DLGAP2: variants seen among roughly 807,000 people sequenced by gnomAD.
The protein encoded by DLGAP2 is disks large-associated protein 2.
DLGAP2 carries 26 observed loss-of-function variants against 100.3 expected under a neutral mutation model. That is an observed-to-expected ratio of 0.26 (90% CI 0.19 to 0.36). The LOEUF is 0.36. Among genes scored for constraint, DLGAP2 ranks in the 10% least tolerant of loss-of-function variants. DLGAP2 has a pLI of 1.00. For synonymous variants in DLGAP2, 886 were observed against 630.1 expected, an observed-to-expected ratio of 1.41 and a Z score of -6.08; for missense variants, 1,858 against 1,453.2, an observed-to-expected ratio of 1.28 and a Z score of -4.53.
intron 2 of DLGAP2, among the ~76,000 whole-genome samples, chr8:1,166,823 G>A (rs191976869): frequency 1.6e-4 from 24 of 152,076 alleles, no homozygotes; most frequent in African/African-American, 4.6e-4. Flanking sequence ...GTATTGTTTC[G>A]TGGTTTTCTA....
intron 1 of DLGAP2, among the ~76,000 whole-genome samples, chr8:839,612 T>C (rs1055634068): frequency 6.6e-6 from 1 of 152,280 alleles, no homozygotes; most frequent in Admixed American, 6.5e-5. Flanking sequence ...TACAGAAGTT[T>C]GGTTGTGAGA....
At chr8:1,010,187 ACATG>A (rs1801235432) in intron 2 of DLGAP2, among the ~76,000 whole-genome samples, 1 of 152,222 alleles carries the variant, frequency 6.6e-6, no homozygotes, top group Admixed American at 6.5e-5. Context: ...ACATGCACAC[ACATG>A]CATGCACATG....
At chr8:1,622,857 T>A (rs760486514) in intron 6 of DLGAP2, among the ~76,000 whole-genome samples, 1 of 152,012 alleles carries the variant, frequency 6.6e-6, no homozygotes, top group African/African-American at 2.4e-5. Context: ...CCCCGGGATG[T>A]AGGAGGGGGA....
chr8:771,241 T>C (rs1821350371), intron 1 of DLGAP2, among the ~76,000 whole-genome samples: 1 of 152,204 alleles, frequency 6.6e-6, no homozygotes, highest in Non-Finnish European at 1.5e-5. Context: ...CCTTAAGAAT[T>C]TTGTGCAAAT....
At chr8:823,207 G>A (rs1796621216) in intron 1 of DLGAP2, among the ~76,000 whole-genome samples, 1 of 152,094 alleles carries the variant, frequency 6.6e-6, no homozygotes, top group Admixed American at 6.6e-5. Context: ...GTTGACTTCA[G>A]GCTGCCAGAC....
chr8:1,531,704 G>T (rs972211008), intron 4 of DLGAP2, among the ~76,000 whole-genome samples: 17 of 152,046 alleles, frequency 1.1e-4, no homozygotes, highest in African/African-American at 3.9e-4. Flanking sequence ...ATTTTGAAAT[G>T]TATTTTTCTG....
chr8:1,265,477 A>T (rs1249928018), intron 3 of DLGAP2, among the ~76,000 whole-genome samples: 1 of 152,238 alleles, frequency 6.6e-6, no homozygotes, highest in Non-Finnish European at 1.5e-5. Flanking sequence ...GAGAAAGACA[A>T]ACACATGTCT....
intron 5 of DLGAP2, among the ~76,000 whole-genome samples, chr8:1,558,720 AC>A (rs1167713643): frequency 6.6e-6 from 1 of 151,486 alleles, no homozygotes; most frequent in Non-Finnish European, 1.5e-5. Flanking sequence ...CACACATTAC[AC>A]ATACCCACAC....
intron 1 of DLGAP2, among the ~76,000 whole-genome samples, chr8:860,186 C>T (rs994772495): frequency 3.9e-5 from 6 of 152,190 alleles, no homozygotes; most frequent in African/African-American, 1.4e-4. Context: ...TTGTGGTAGC[C>T]TTACAGACGG....
chr8:1,083,947 G>C (rs773535780), intron 2 of DLGAP2, among the ~76,000 whole-genome samples: 3 of 152,076 alleles, frequency 2.0e-5, no homozygotes, highest in Non-Finnish European at 4.4e-5. Flanking sequence ...AAAAATTGGT[G>C]CATTTTATTT....
chr8:829,831 G>A (rs1418067271), intron 1 of DLGAP2, among the ~76,000 whole-genome samples: 1 of 152,134 alleles, frequency 6.6e-6, no homozygotes, highest in African/African-American at 2.4e-5. Context: ...ATATTATGGT[G>A]CTTTCCTTGT....
chr8:1,304,532 C>T (rs2097997024), intron 3 of DLGAP2, among the ~76,000 whole-genome samples: 1 of 152,160 alleles, frequency 6.6e-6, no homozygotes, highest in Non-Finnish European at 1.5e-5. Flanking sequence ...ATGTTGTTAA[C>T]AACAGAGGGT....
chr8:976,836 TATAGAAG>T (rs1563124038), intron 2 of DLGAP2, among the ~76,000 whole-genome samples: 1 of 152,170 alleles, frequency 6.6e-6, no homozygotes, highest in Non-Finnish European at 1.5e-5. Flanking sequence ...CTGTAAAACT[TATAGAAG>T]ATAGCATAAA....
chr8:1,281,298 G>A (rs1348713063), intron 3 of DLGAP2, among the ~76,000 whole-genome samples: 3 of 152,166 alleles, frequency 2.0e-5, no homozygotes, highest in Non-Finnish European at 4.4e-5. Context: ...GTGAGAAACG[G>A]GGGATGGTGG....
At chr8:1,324,396 GT>G (rs1368623748) in intron 3 of DLGAP2, among the ~76,000 whole-genome samples, 1 of 152,170 alleles carries the variant, frequency 6.6e-6, no homozygotes, top group Non-Finnish European at 1.5e-5. Context: ...TTAGATTGAT[GT>G]TTCAGCTGGC....
At chr8:1,305,646 GA>G (rs1800472538) in intron 3 of DLGAP2, among the ~76,000 whole-genome samples, 1 of 152,154 alleles carries the variant, frequency 6.6e-6, no homozygotes, top group Admixed American at 6.5e-5. Flanking sequence ...AAATTACACT[GA>G]AAACCTACCA....
At chr8:1,561,926 G>A (rs867346549) in intron 5 of DLGAP2, among the ~76,000 whole-genome samples, 4 of 58,470 alleles carry the variant, frequency 6.8e-5, no homozygotes, top group Admixed American at 2.4e-4. Flanking sequence ...GGGTGTCCGC[G>A]CCTCGTTGCT....
chr8:1,591,209 C>T lies in DLGAP2; in HGVS notation c.1442+25315C>T, dbSNP rs543658605. ...TTTCCTATTCAAAGTTCTGTTCTTC[C>T]CTTCCCTCTGCAAAGCCCAAACATT... is the stretch of plus-strand genomic sequence containing the variant. On this transcript the variant is annotated intron_variant, in intron 6 of 14. Coordinates refer to ENST00000637795, the MANE Select transcript of DLGAP2 (RefSeq NM_001346810.2). 3.5e-4 allele frequency among the ~76,000 whole-genome samples: 53 copies of T among 152,244 alleles called. 1 individual carries two copies. The highest frequency in any genetic ancestry group is 1.0e-3 in the African/African-American group (42 of 41,552).
chr8:1,409,014 A>G (rs573776210), intron 3 of DLGAP2, among the ~76,000 whole-genome samples: 38 of 152,352 alleles, frequency 2.5e-4, no homozygotes, highest in South Asian at 1.0e-3. Flanking sequence ...CCTATGAAAA[A>G]GACAGCAGCA....
Sources: gnomAD v4.1 joint callset for allele counts (sites outside exome capture counted in the v4.1 genomes callset) on GRCh38, gnomAD v4.1.1 for gene constraint, MANE v1.5 for transcripts, NCBI Gene and HGNC (gene_info 2026-07-23, HGNC 2026-07-21) for gene names.